Variants in RNF146 observed in about 807,000 individuals in gnomAD.
RNF146 encodes the protein E3 ubiquitin-protein ligase RNF146.
Under a neutral mutation model 29.7 loss-of-function variants are expected in RNF146, and 11 were observed. That is an observed-to-expected ratio of 0.37 (90% CI 0.23 to 0.61). RNF146 has a LOEUF of 0.61. RNF146 is among the 20% of genes least tolerant of loss of function. RNF146 has a pLI of 0.66. For missense variants in RNF146, 342 were observed against 438.9 expected, an observed-to-expected ratio of 0.78 and a Z score of 1.97; for synonymous variants, 150 against 159.7, an observed-to-expected ratio of 0.94 and a Z score of 0.46.
chr6:127,285,187 C>A (rs2114509212), intron 2 of RNF146: 2 of 984,772 alleles, frequency 2.0e-6, no homozygotes, highest in African/African-American at 1.7e-5. Flanking sequence ...TAAAAACTTA[C>A]TGTGTTGCTT....
At chr6:127,278,037 G>A (rs1582881045) in intron 1 of RNF146, among the ~76,000 whole-genome samples, 1 of 152,084 alleles carries the variant, frequency 6.6e-6, no homozygotes, top group East Asian at 1.9e-4. Context: ...GATGCCCATA[G>A]TATGAGAGCC....
At chr6:127,267,554 GGA>G (rs1335727742) in intron 1 of RNF146, among the ~76,000 whole-genome samples, 1 of 152,062 alleles carries the variant, frequency 6.6e-6, no homozygotes, top group Non-Finnish European at 1.5e-5. Flanking sequence ...GCCTTTTCCC[GGA>G]GTGTCTCTGG....
At chr6:127,270,362 T>G (rs976521416) in intron 1 of RNF146, among the ~76,000 whole-genome samples, 4 of 152,194 alleles carry the variant, frequency 2.6e-5, no homozygotes, top group Non-Finnish European at 5.9e-5. Flanking sequence ...TCATACATCA[T>G]CATATTAAGT....
intron 1 of RNF146, among the ~76,000 whole-genome samples, chr6:127,274,451 T>A (rs1184122813): frequency 7.0e-6 from 1 of 142,184 alleles, no homozygotes; most frequent in Non-Finnish European, 1.6e-5. Context: ...GAGGAATAAA[T>A]TAGATTGGTT....
chr6:127,270,906 C>T (rs138907712), intron 1 of RNF146, among the ~76,000 whole-genome samples: 1,648 of 151,854 alleles, frequency 0.011, 15 homozygotes, highest in Middle Eastern at 0.027. Flanking sequence ...ACCTCCACCT[C>T]CCAGATTCAA....
chr6:127,275,585 C>G (rs1257562131), intron 1 of RNF146, among the ~76,000 whole-genome samples: 1 of 152,042 alleles, frequency 6.6e-6, no homozygotes, highest in African/African-American at 2.4e-5. Flanking sequence ...CATGATTTCA[C>G]AGAAGAGTCA....
At position 127,287,647 on chromosome 6, in the gene RNF146, T is replaced by A. The variant is rs764739440; in HGVS notation, c.1034T>A (p.Val345Asp). ...GGGGGTGGAACAGTGAGTGTCAGTG[T>A]CAGATCTAGAAGGCCTGATGGACAG... ...VAGGGTVSVS[V>D]RSRRPDGQCT... The change falls in exon 3 of 3, where the codon GTC becomes GAC. Residue 345 changes from valine to aspartate, a missense_variant. By Grantham distance (152) the Val-to-Asp change is radical. Transcript: ENST00000368314. 3 of 1,608,880 alleles carry A rather than the reference T, an allele frequency of 1.9e-6. No individual in the cohort carries two copies. The highest frequency in any genetic ancestry group is 2.5e-6 in the Non-Finnish European group (3 of 1,176,802).
At chr6:127,276,240 T>C (rs1341331693) in intron 1 of RNF146, among the ~76,000 whole-genome samples, 1 of 151,932 alleles carries the variant, frequency 6.6e-6, no homozygotes, top group Non-Finnish European at 1.5e-5. Context: ...CACAAGATAA[T>C]CAGGCTGAAC....
intron 1 of RNF146, among the ~76,000 whole-genome samples, chr6:127,270,092 T>C (rs2114408188): frequency 6.6e-6 from 1 of 152,288 alleles, no homozygotes; most frequent in South Asian, 2.1e-4. Context: ...CTCTTGACTT[T>C]GATCTTGTGA....
At chr6:127,270,864 G>A (rs7773637) in intron 1 of RNF146, among the ~76,000 whole-genome samples, 1 of 149,404 alleles carries the variant, frequency 6.7e-6, no homozygotes, top group South Asian at 2.1e-4. Context: ...TCATTAGGCT[G>A]GAGTGCAGTG....
At chr6:127,283,341 A>G (rs1779138337) in intron 2 of RNF146, among the ~76,000 whole-genome samples, 3 of 151,872 alleles carry the variant, frequency 2.0e-5, no homozygotes, top group Admixed American at 2.0e-4. Context: ...AACTGGAAAT[A>G]AATTCCCTTT....
intron 1 of RNF146, among the ~76,000 whole-genome samples, chr6:127,270,593 T>A (rs1389751834): frequency 6.6e-6 from 1 of 152,204 alleles, no homozygotes; most frequent in Admixed American, 6.5e-5. Flanking sequence ...ATGATTGTTA[T>A]AAGTATTACA....
intron 1 of RNF146, among the ~76,000 whole-genome samples, chr6:127,276,319 A>T (rs1483215449): frequency 1.3e-5 from 2 of 152,074 alleles, no homozygotes; most frequent in African/African-American, 4.8e-5. Flanking sequence ...TACAGGATAG[A>T]TTCCAAAGGG....
intron 2 of RNF146, chr6:127,285,381 C>T: frequency 1.0e-6 from 1 of 976,724 alleles, no homozygotes; most frequent in African/African-American, 1.7e-5. Context: ...TCTTTTGTAA[C>T]TACTGACCCA....
chr6:127,286,480 A>T lies in RNF146; in HGVS notation c.3-136A>T. On this transcript the variant is annotated intron_variant, in intron 2 of 2. Coordinates refer to ENST00000368314, the MANE Select transcript of RNF146 (RefSeq NM_001242850.2). This position sits in a 1 kb window ranked among gnomAD's most constrained non-coding sequence, Gnocchi z 4.6. ...GTTGGAGAGTTTTTCCTCTACTTTCATCTTCATATCCCCATTGTCTAGTAT... is the reference window on the plus strand; with the variant it reads ...GTTGGAGAGTTTTTCCTCTACTTTCTTCTTCATATCCCCATTGTCTAGTAT... 1.1e-6 allele frequency: 1 copy of T among 885,794 alleles called. No homozygotes were observed. Among genetic ancestry groups the T allele is most frequent in the South Asian group, 1.9e-5 (1 of 52,414 alleles). The allele number at this position is 885,794 out of a possible 1,614,324, so 54.9% of individuals were successfully genotyped here.
chr6:127,273,079 T>C (rs942287899), intron 1 of RNF146, among the ~76,000 whole-genome samples: 4 of 152,014 alleles, frequency 2.6e-5, no homozygotes, highest in Non-Finnish European at 1.5e-5. Context: ...CTTCTTGGCT[T>C]CTTGGGAGCA....
chr6:127,282,011 G>A (rs182884523), intron 2 of RNF146, among the ~76,000 whole-genome samples: 139 of 151,738 alleles, frequency 9.2e-4, no homozygotes, highest in African/African-American at 3.2e-3. Context: ...TAGTCTCTGG[G>A]GAATAGGGAA....
intron 1 of RNF146, among the ~76,000 whole-genome samples, chr6:127,268,247 A>G (rs542759438): frequency 1.2e-4 from 19 of 152,326 alleles, no homozygotes; most frequent in African/African-American, 2.9e-4. Context: ...ATGTGAACGT[A>G]TAATATTGGC....
intron 1 of RNF146, among the ~76,000 whole-genome samples, chr6:127,273,641 G>A (rs1009253089): frequency 6.6e-6 from 1 of 151,892 alleles, no homozygotes; most frequent in African/African-American, 2.4e-5. Flanking sequence ...GTTGTTGAAA[G>A]GTCAGCTGTA....
Sources: gnomAD v4.1 joint callset for allele counts (sites outside exome capture counted in the v4.1 genomes callset) on GRCh38, gnomAD v4.1.1 for gene constraint, Gnocchi (gnomAD v3.1) non-coding constraint, MANE v1.5 for transcripts, NCBI Gene and HGNC (gene_info 2026-07-23, HGNC 2026-07-21) for gene names.